Variants in ZNF836 observed in about 807,000 individuals in gnomAD.
The protein encoded by ZNF836 is zinc finger protein 836.
A neutral mutation model predicts 7.4 loss-of-function variants in ZNF836; 12 were observed. The observed-to-expected ratio is 1.61, with a 90% CI of 1.03 to 2.61. ZNF836 has a LOEUF of 2.61. Among genes scored for constraint, ZNF836 ranks in the 30% most tolerant of loss-of-function variants. The pLI is 0.00. For synonymous variants in ZNF836, 365 were observed against 382.6 expected, an observed-to-expected ratio of 0.95 and a Z score of 0.54; for missense variants, 998 against 1,126.2, an observed-to-expected ratio of 0.89 and a Z score of 1.63.
intron 4 of ZNF836, among the ~76,000 whole-genome samples, chr19:52,158,541 G>C: frequency 6.6e-6 from 1 of 151,978 alleles, no homozygotes; most frequent in East Asian, 1.9e-4. Flanking sequence ...TCAGGAGTTC[G>C]AGACTAGCCT....
At chr19:52,163,069 C>G (rs993951975) in intron 3 of ZNF836, among the ~76,000 whole-genome samples, 1 of 152,062 alleles carries the variant, frequency 6.6e-6, no homozygotes, top group Non-Finnish European at 1.5e-5. Flanking sequence ...TTCCGAGGTC[C>G]GAAGGGCACC....
intron 3 of ZNF836, among the ~76,000 whole-genome samples, chr19:52,164,948 G>C (rs1184161918): frequency 2.0e-5 from 3 of 152,088 alleles, no homozygotes; most frequent in Non-Finnish European, 4.4e-5. Context: ...AAATTAGCTG[G>C]GTATGGTGGT....
In ZNF836 at chr19:52,156,958, G is replaced by A. The variant is rs368194521; in HGVS notation, c.725C>T (p.Thr242Ile). 6.2e-7 allele frequency: 1 copy of A among 1,613,994 alleles called. No individual in the cohort carries two copies. The highest frequency in any genetic ancestry group is 8.5e-7 in the Non-Finnish European group (1 of 1,180,020). ...SLINHQMVHTTEKPYKCNECG... is the reference protein window; with the variant it reads ...SLINHQMVHTIEKPYKCNECG... ...TTCATTGCATTTGTAAGGTTTCTCT[G>A]TAGTATGTACCATCTGATGGTTAAT... The change falls in exon 5 of 5, where the codon ACA (threonine) becomes ATA (isoleucine). Residue 242 changes from threonine (T) to isoleucine (I), a missense_variant. Physicochemically the swap from Thr to Ile is moderately conservative, Grantham distance 89. Coordinates refer to ENST00000682614, the MANE Select transcript of ZNF836 (RefSeq NM_001102657.3).
rs760334066 is a variant in ZNF836, at chr19:52,160,424, A to C, written c.142+41T>G. ...GACAACAGAGAAAATACAAAAATAC[A>C]CGAGGGCAGATCTTAACTTCTAGAG... On this transcript the variant is annotated intron_variant, in intron 4 of 4. Transcript: ENST00000682614. 1.1e-5 allele frequency: 18 copies of C among 1,613,612 alleles called. No homozygotes were observed. In the South Asian group the frequency reaches 1.6e-4, roughly 15 times the overall value.
At chr19:52,168,767 G>A (rs2089286628) in intron 2 of ZNF836, among the ~76,000 whole-genome samples, 1 of 152,036 alleles carries the variant, frequency 6.6e-6, no homozygotes, top group Non-Finnish European at 1.5e-5. Flanking sequence ...GATGAACCAT[G>A]CAATCTCCGC....
At position 52,157,309 on chromosome 19, in the gene ZNF836, C is replaced by A. The variant is rs757305341; in HGVS notation, c.374G>T (p.Gly125Val). 1 of 1,604,198 alleles carries A rather than the reference C, an allele frequency of 6.2e-7. No homozygotes were observed. The highest frequency in any genetic ancestry group is 8.5e-7 in the Non-Finnish European group (1 of 1,175,666). ...TTCTACATCCTCTTGACTATGTTGA[C>A]CTCTTTTACCATTAAGATTGTTTTT... is the stretch of plus-strand genomic sequence containing the variant. Reference protein sequence around the residue: ...TYKNNLNGKRGQHSQEDVENK... With the variant: ...TYKNNLNGKRVQHSQEDVENK... Residue 125 changes from glycine (G) to valine (V), a missense_variant, in exon 5 of 5, where the codon GGT becomes GTT. Transcript: ENST00000682614.
At chr19:52,164,188 T>G (rs2089239557) in intron 3 of ZNF836, among the ~76,000 whole-genome samples, 1 of 151,690 alleles carries the variant, frequency 6.6e-6, no homozygotes. Flanking sequence ...GGTCAGGAGT[T>G]TGAGACCAGC....
chr19:52,157,570 T>A (rs368566299), intron 4 of ZNF836, 30 bp from the exon 5 acceptor site: 51 of 1,450,274 alleles, frequency 3.5e-5, no homozygotes, highest in Non-Finnish European at 7.2e-6. Context: ...TGGGAGTTTT[T>A]TCGTTGGTTT....
chr19:52,160,568 T>C lies in ZNF836; in HGVS notation c.39A>G (p.Val13=). The part of the protein sequence containing the change: ...LTQGPLTFRD[V]AIEFSQEEWK... Reference sequence around the variant, plus strand: ...ACTCCTCCTGAGAGAATTCTATGGCTACATCCCTGAATGTCAAAGGTCCCT... The same window carrying C: ...ACTCCTCCTGAGAGAATTCTATGGCCACATCCCTGAATGTCAAAGGTCCCT... The change falls in exon 4 of 5, where the codon GTA becomes GTG. Residue 13 remains valine, a synonymous_variant. Transcript: ENST00000682614. 5.0e-6 allele frequency: 8 copies of C among 1,612,244 alleles called. No individual in the cohort carries two copies. The highest frequency in any genetic ancestry group is 5.9e-6 in the Non-Finnish European group (7 of 1,179,576).
chr19:52,168,674 G>T (rs1379659938), intron 2 of ZNF836, among the ~76,000 whole-genome samples: 1 of 152,016 alleles, frequency 6.6e-6, no homozygotes, highest in African/African-American at 2.4e-5. Flanking sequence ...TATTTATATA[G>T]ATATATATAG....
At chr19:52,157,565 G>T in intron 4 of ZNF836, 25 bp from the exon 5 acceptor site, 1 of 1,447,126 alleles carries the variant, frequency 6.9e-7, no homozygotes, top group Non-Finnish European at 9.1e-7. Flanking sequence ...GAACATGGGA[G>T]TTTTTTCGTT....
chr19:52,159,146 T>A (rs1396353921), intron 4 of ZNF836, among the ~76,000 whole-genome samples: 2 of 152,136 alleles, frequency 1.3e-5, no homozygotes, highest in Admixed American at 1.3e-4. Flanking sequence ...TAAACGACCC[T>A]ATCTATGGTA....
intron 3 of ZNF836, chr19:52,165,227 T>C (rs1568573757): frequency 6.6e-6 from 1 of 152,342 alleles, no homozygotes; most frequent in East Asian, 1.9e-4. Flanking sequence ...TTTGCTTTTG[T>C]GGTATGCCAT....
At chr19:52,166,164 G>A (rs1343815235) in intron 3 of ZNF836, among the ~76,000 whole-genome samples, 1 of 151,552 alleles carries the variant, frequency 6.6e-6, no homozygotes, top group Non-Finnish European at 1.5e-5. Flanking sequence ...GCTAATTTTT[G>A]TATTTTTAGT....
chr19:52,157,812 G>A lies in ZNF836; in HGVS notation c.143-272C>T, dbSNP rs576073170. Among the ~76,000 whole-genome samples, 12 of 152,016 alleles carry A rather than the reference G, an allele frequency of 7.9e-5. No individual in the cohort carries two copies. The East Asian group carries it at 1.2e-3, about 15-fold the overall frequency. On this transcript the variant is annotated intron_variant, in intron 4 of 4. Coordinates refer to ENST00000682614, the MANE Select transcript of ZNF836 (RefSeq NM_001102657.3). ...TCTCGAACTCCTGACCTCGTGATCC[G>A]CCCACCTCGGCCCCACAAAGTGCTG...
chr19:52,170,325 C>G (rs568008550), intron 1 of ZNF836: 1 of 152,320 alleles, frequency 6.6e-6, no homozygotes, highest in Non-Finnish European at 1.5e-5. Flanking sequence ...CATCTGAGCT[C>G]CCTCTCTGCT....
At position 52,160,537 on chromosome 19, in the gene ZNF836, A is replaced by T. The variant is rs1294446493; in HGVS notation, c.70T>A (p.Ser24Thr). The T allele has an allele frequency of 6.2e-7, 1 of 1,613,992 alleles. No individual in the cohort carries two copies. Among genetic ancestry groups the T allele is most frequent in the Admixed American group, 1.7e-5 (1 of 59,982 alleles). Residue 24 changes from serine to threonine, a missense_variant, in exon 4 of 5, where the codon TCC becomes ACC. By Grantham distance (58) the Ser-to-Thr change is moderately conservative. Transcript: ENST00000682614. ...AAAGCTTTCTGCACAGGGTCCAGGG[A>T]TTTCCACTCCTCCTGAGAGAATTCT... ...AIEFSQEEWKSLDPVQKALYW... is the reference protein window; with the variant it reads ...AIEFSQEEWKTLDPVQKALYW...
At chr19:52,167,530 CG>C (rs1411747712) in intron 3 of ZNF836, among the ~76,000 whole-genome samples, 9 of 148,614 alleles carry the variant, frequency 6.1e-5, no homozygotes, top group Non-Finnish European at 5.9e-5. Context: ...CTATCACTGA[CG>C]TGTGTATCTA....
chr19:52,164,890 C>G lies in ZNF836; in HGVS notation c.15+3168G>C, dbSNP rs2089249001. 2.6e-5 allele frequency among the ~76,000 whole-genome samples: 4 copies of G among 152,216 alleles called. No homozygotes were observed. In the South Asian group the frequency reaches 8.3e-4, roughly 32 times the overall value. ...ATGACTTGAGTTCAGGAGTTTGAGA[C>G]CAGCTTGGTCAACATGGTGAAACCC... On this transcript the variant is annotated intron_variant, in intron 3 of 4. Coordinates refer to ENST00000682614, the MANE Select transcript of ZNF836 (RefSeq NM_001102657.3).
Sources: gnomAD v4.1 joint callset for allele counts (sites outside exome capture counted in the v4.1 genomes callset) on GRCh38, gnomAD v4.1.1 for gene constraint, MANE v1.5 for transcripts, NCBI Gene and HGNC (gene_info 2026-07-23, HGNC 2026-07-21) for gene names.